TMEM221: variants seen among roughly 807,000 people sequenced by gnomAD.
The protein encoded by TMEM221 is transmembrane protein 221.
A neutral mutation model predicts 10.2 loss-of-function variants in TMEM221; 11 were observed. The observed-to-expected ratio is 1.08, with a 90% CI of 0.68 to 1.79. TMEM221 has a LOEUF of 1.79. Ranked by LOEUF, TMEM221 falls within the 40% of genes most tolerant of loss-of-function variation. The probability of loss-of-function intolerance (pLI) is 0.00; values close to 1 mark genes in which losing one functional copy is unlikely to be tolerated. For synonymous variants in TMEM221, 172 were observed against 199.8 expected (o/e 0.86, Z 1.18); for missense variants, 382 against 417.7 (o/e 0.91, Z 0.75).
chr19:17,441,384 C>A (rs933295895), intron 2 of TMEM221, among the ~76,000 whole-genome samples: 3 of 151,916 alleles, frequency 2.0e-5, no homozygotes, highest in African/African-American at 7.3e-5. Flanking sequence ...TGGCGACCAC[C>A]AAAAATGTCT....
chr19:17,442,857 A>C (rs1280527388), intron 2 of TMEM221, among the ~76,000 whole-genome samples: 2 of 152,088 alleles, frequency 1.3e-5, no homozygotes, highest in Non-Finnish European at 2.9e-5. Flanking sequence ...TAAAAAAAAA[A>C]CTACTTCTGG....
chr19:17,444,105 G>A (rs2074942934), intron 2 of TMEM221, among the ~76,000 whole-genome samples: 1 of 140,382 alleles, frequency 7.1e-6, no homozygotes, highest in Non-Finnish European at 1.5e-5. Flanking sequence ...TTTTGAGACG[G>A]GGTTTTGCCC....
intron 1 of TMEM221, 109 bp from the exon 2 acceptor site, chr19:17,445,393 T>G (rs2074949072): frequency 1.2e-6 from 1 of 842,866 alleles, no homozygotes; most frequent in South Asian, 1.8e-5. Context: ...AGGACCCAGC[T>G]TTCAGGGACC....
rs541846154 is a variant in TMEM221 at position 17,448,654 on chromosome 19, G to A, written c.-192C>T. The A allele has an allele frequency of 2.3e-3, 887 of 385,030 alleles. 9 individuals are homozygous for A. Among genetic ancestry groups the A allele is most frequent in the African/African-American group, 0.017 (814 of 47,454 alleles). 23.9% of individuals were successfully genotyped at this position (385,030 alleles called of 1,614,324 possible). ...GGGCTCCGGGGTGCTGGTCGCAGCCGGGACGCCGAATCTCCGCGAAAACTT... is the reference window on the plus strand; with the variant it reads ...GGGCTCCGGGGTGCTGGTCGCAGCCAGGACGCCGAATCTCCGCGAAAACTT... On this transcript the variant is annotated 5_prime_UTR_variant, in exon 1 of 3. Coordinates refer to ENST00000341130, the MANE Select transcript of TMEM221 (RefSeq NM_001190844.2). The surrounding 1 kb of genome is among the most constrained non-coding windows in gnomAD (Gnocchi z 4.7).
rs761240278 is a variant in TMEM221, at chr19:17,448,116, C to G, written c.320+27G>C. ...GCTCACCCAGCCCCCAGCCGGGCCT[C>G]CGAGGCGGTGAGGCCAGTCCTCCTA... On this transcript the variant is annotated intron_variant, in intron 1 of 2. Coordinates refer to ENST00000341130, the MANE Select transcript of TMEM221 (RefSeq NM_001190844.2). The surrounding 1 kb of genome is among the most constrained non-coding windows in gnomAD (Gnocchi z 4.7). 17 of 1,328,970 alleles carry G rather than the reference C, an allele frequency of 1.3e-5. No homozygotes were observed. The highest frequency in any genetic ancestry group is 1.6e-5 in the Non-Finnish European group (17 of 1,040,514). The allele number at this position is 1,328,970 out of a possible 1,614,324, so 82.3% of individuals were successfully genotyped here. A position where few individuals can be genotyped will look rare whatever the true frequency, so the allele number is the denominator to read the frequency against.
At chr19:17,439,986 C>T (rs1233789125) in intron 2 of TMEM221, among the ~76,000 whole-genome samples, 3 of 151,920 alleles carry the variant, frequency 2.0e-5, no homozygotes, top group Non-Finnish European at 2.9e-5. Flanking sequence ...GCCAGGAGTT[C>T]GACGCCAGCT....
At chr19:17,439,835 G>C (rs1181082214) in intron 2 of TMEM221, among the ~76,000 whole-genome samples, 1 of 152,126 alleles carries the variant, frequency 6.6e-6, no homozygotes, top group Non-Finnish European at 1.5e-5. Flanking sequence ...TCTGGAACCA[G>C]ATAGTAGCGA....
intron 2 of TMEM221, among the ~76,000 whole-genome samples, chr19:17,442,693 C>T (rs2074936707): frequency 1.3e-5 from 2 of 151,816 alleles, no homozygotes; most frequent in South Asian, 4.2e-4. Context: ...TCGCCTCGGC[C>T]TCCCAAAGTG....
At chr19:17,445,023 C>T in intron 2 of TMEM221, 176 bp downstream of exon 2, 1 of 559,838 alleles carries the variant, frequency 1.8e-6, no homozygotes, top group East Asian at 3.0e-5. Flanking sequence ...TCCCATTGTA[C>T]TGATGAGGAA....
rs767387327 is a variant in TMEM221, at chr19:17,436,482, C to T, written c.852G>A (p.Met284Ile). 41 of 1,527,660 alleles carry T rather than the reference C, an allele frequency of 2.7e-5. No individual in the cohort carries two copies. Among genetic ancestry groups the T allele is most frequent in the Middle Eastern group, 3.5e-4 (2 of 5,764 alleles). The allele number at this position is 1,527,660 out of a possible 1,614,324, so 94.6% of individuals were successfully genotyped here. The change falls in exon 3 of 3, where the codon ATG (methionine) becomes ATA (isoleucine). Residue 284 changes from methionine to isoleucine, a missense_variant. Physicochemically the swap from Met to Ile is conservative, Grantham distance 10. Coordinates refer to ENST00000341130, the MANE Select transcript of TMEM221 (RefSeq NM_001190844.2). ...CTCACACCAGTGTGGAGTCCTTCCCCATGCTCCCTGGTCTGTGGCCCAGCA... is the reference window on the plus strand; with the variant it reads ...CTCACACCAGTGTGGAGTCCTTCCCTATGCTCCCTGGTCTGTGGCCCAGCA... The part of the protein sequence containing the change: ...RRMLGHRPGS[M>I]GKDSTLV
At chr19:17,439,413 C>T (rs558154074) in intron 2 of TMEM221, among the ~76,000 whole-genome samples, 5 of 151,982 alleles carry the variant, frequency 3.3e-5, no homozygotes, top group Non-Finnish European at 7.4e-5. Context: ...CCTGGCCGGG[C>T]GCAGTGGCTC....
intron 2 of TMEM221, among the ~76,000 whole-genome samples, chr19:17,439,666 C>A (rs2074923817): frequency 6.7e-6 from 1 of 149,212 alleles, no homozygotes; most frequent in African/African-American, 2.5e-5. Flanking sequence ...CTACCCTGGG[C>A]AACAGAGCAA....
intron 2 of TMEM221, among the ~76,000 whole-genome samples, chr19:17,438,930 G>A (rs1276775159): frequency 1.3e-5 from 2 of 148,360 alleles, no homozygotes; most frequent in Admixed American, 6.7e-5. Context: ...CTCCCTTGCC[G>A]GGCACGGTGG....
chr19:17,442,008 G>A (rs1171958752), intron 2 of TMEM221, among the ~76,000 whole-genome samples: 1 of 152,148 alleles, frequency 6.6e-6, no homozygotes, highest in East Asian at 1.9e-4. Context: ...TTTACGCTTA[G>A]TGAGGCTGAC....
intron 2 of TMEM221, 78 bp from the exon 3 acceptor site, chr19:17,437,005 G>C: frequency 8.6e-7 from 1 of 1,166,332 alleles, no homozygotes; most frequent in Non-Finnish European, 1.1e-6. Flanking sequence ...CTTGCACACA[G>C]GGAGAAATTA....
At position 17,436,884 on chromosome 19, in the gene TMEM221, G is replaced by A. The variant is rs1468439850; in HGVS notation, c.450C>T (p.Gly150=). The change falls in exon 3 of 3, where the codon GGC becomes GGT. Residue 150 remains glycine, a synonymous_variant. Transcript: ENST00000341130. ...AGCCGAGGATGGAAGCAGCTGCTGC[G>A]CCTGTCTCGATCTCGAAAAGTAGCA... ...YALLLFEIET[G]AAAASILGSG... 7 of 1,438,004 alleles carry A rather than the reference G, an allele frequency of 4.9e-6. No homozygotes were observed. Among genetic ancestry groups the A allele is most frequent in the Admixed American group, 2.7e-5 (1 of 36,552 alleles). 89.1% of individuals were successfully genotyped at this position (1,438,004 alleles called of 1,614,324 possible).
intron 1 of TMEM221, among the ~76,000 whole-genome samples, chr19:17,446,526 G>A (rs1179673688): frequency 6.6e-6 from 1 of 152,054 alleles, no homozygotes; most frequent in African/African-American, 2.4e-5. Context: ...GAAAGTGGAC[G>A]CCTTCCCCAT....
intron 2 of TMEM221, among the ~76,000 whole-genome samples, chr19:17,439,973 G>C (rs1313742839): frequency 6.6e-6 from 1 of 152,122 alleles, no homozygotes; most frequent in African/African-American, 2.4e-5. Flanking sequence ...GAGGTTGCTT[G>C]AGGCCAGGAG....
Position 17,436,529 on chromosome 19 carries a change from C to G in TMEM221, c.805G>C (p.Val269Leu). The G allele has an allele frequency of 6.5e-7, 1 of 1,535,988 alleles. No individual in the cohort carries two copies. Among genetic ancestry groups the G allele is most frequent in the Non-Finnish European group, 8.7e-7 (1 of 1,146,826 alleles). Residue 269 changes from valine (V) to leucine (L), a missense_variant, in exon 3 of 3, where the codon GTT becomes CTT. Coordinates refer to ENST00000341130, the MANE Select transcript of TMEM221 (RefSeq NM_001190844.2). ...LSAGLGHWDG[V>L]THEMRRMLGH... is the part of the protein sequence containing the mutation. ...AGCATTCGACGCATCTCGTGCGTAA[C>G]CCCGTCCCAGTGCCCCAGGCCAGCC...
Sources: gnomAD v4.1 joint callset for allele counts (sites outside exome capture counted in the v4.1 genomes callset) on GRCh38, gnomAD v4.1.1 for gene constraint, Gnocchi (gnomAD v3.1) non-coding constraint, MANE v1.5 for transcripts, NCBI Gene and HGNC (gene_info 2026-07-23, HGNC 2026-07-21) for gene names.